ENTHD1: variants seen among roughly 807,000 people sequenced by gnomAD.
ENTHD1 encodes the protein ENTH domain-containing protein 1.
In ENTHD1, 23 loss-of-function variants were observed where a neutral mutation model predicts 39.1. That is an observed-to-expected ratio of 0.59 (90% CI 0.42 to 0.83). The LOEUF (loss-of-function observed/expected upper bound fraction) is 0.83, where lower values mean the gene tolerates loss of function less well. Ranked by LOEUF, ENTHD1 falls within the 40% of genes least tolerant of loss-of-function variation. The probability of loss-of-function intolerance (pLI) is 0.00; values close to 1 mark genes in which losing one functional copy is unlikely to be tolerated. For synonymous variants in ENTHD1, 230 were observed against 258.2 expected, an observed-to-expected ratio of 0.89 and a Z score of 1.05; for missense variants, 624 against 705.4, an observed-to-expected ratio of 0.88 and a Z score of 1.31.
chr22:39,781,401 G>A (rs1387790096), intron 5 of ENTHD1, among the ~76,000 whole-genome samples: 1 of 152,016 alleles, frequency 6.6e-6, no homozygotes, highest in East Asian at 1.9e-4. Flanking sequence ...GACATGCTCC[G>A]GAACAACCAA....
At chr22:39,855,137 T>C (rs2066074684) in intron 3 of ENTHD1, among the ~76,000 whole-genome samples, 1 of 152,206 alleles carries the variant, frequency 6.6e-6, no homozygotes, top group African/African-American at 2.4e-5. Context: ...TGTATCTCCT[T>C]CATTTCTACA....
At chr22:39,883,027 A>G (rs917799008) in intron 2 of ENTHD1, among the ~76,000 whole-genome samples, 3 of 151,378 alleles carry the variant, frequency 2.0e-5, no homozygotes, top group Admixed American at 1.3e-4. Context: ...AAAAAAAAGA[A>G]AGAAAGAAAA....
chr22:39,821,255 T>A, intron 4 of ENTHD1, 142 bp from the exon 5 acceptor site: 1 of 1,086,504 alleles, frequency 9.2e-7, no homozygotes, highest in Non-Finnish European at 1.3e-6. Context: ...CATACATCTA[T>A]CACTTGGCTG....
intron 3 of ENTHD1, among the ~76,000 whole-genome samples, chr22:39,840,196 G>C (rs1055822558): frequency 2.6e-5 from 4 of 152,192 alleles, no homozygotes; most frequent in African/African-American, 7.2e-5. Context: ...AGCCAGTGAA[G>C]ACTAGTATGT....
intron 5 of ENTHD1, among the ~76,000 whole-genome samples, chr22:39,795,472 CTGG>C (rs2065540967): frequency 2.6e-5 from 4 of 151,738 alleles, no homozygotes; most frequent in Admixed American, 6.6e-5. Flanking sequence ...GTCACCCAGG[CTGG>C]AGTACAGTGG....
chr22:39,800,091 C>A (rs955954417), intron 5 of ENTHD1, among the ~76,000 whole-genome samples: 1 of 152,150 alleles, frequency 6.6e-6, no homozygotes, highest in Non-Finnish European at 1.5e-5. Context: ...TTGGGGACCA[C>A]AAGGTTGAGG....
chr22:39,765,176 TTGTG>T lies in ENTHD1; in HGVS notation c.1219+43_1219+46del, dbSNP rs71326782. 3,654 of 1,376,376 alleles carry T rather than the reference TTGTG, an allele frequency of 2.7e-3. 5 individuals carry two copies. Among genetic ancestry groups the T allele is most frequent in the South Asian group, 0.012 (725 of 62,344 alleles). 85.3% of individuals were successfully genotyped at this position (1,376,376 alleles called of 1,614,324 possible). ...ATAATGCTTCAAAAGAGGTTTTTTG[TTGTG>T]TGTGTGTGTGTGTGTGTGTGTGTGT... On this transcript the variant is annotated intron_variant, in intron 6 of 6. Transcript: ENST00000325157.
At chr22:39,766,019 C>CAAAAATAAAAAAAA (rs2065273971) in intron 5 of ENTHD1, among the ~76,000 whole-genome samples, 1 of 48,342 alleles carries the variant, frequency 2.1e-5, no homozygotes, top group Non-Finnish European at 3.7e-5. Flanking sequence ...CCCTCAGCTA[C>CAAAAATAAAAAAAA]AAAAAAAAAA....
At chr22:39,883,914 G>C (rs1379610381) in intron 2 of ENTHD1, among the ~76,000 whole-genome samples, 2 of 147,724 alleles carry the variant, frequency 1.4e-5, no homozygotes, top group Admixed American at 6.7e-5. Context: ...AGAATAAAAT[G>C]CTTAGAAATA....
In ENTHD1 at chr22:39,821,127, C is replaced by T. The variant is rs201637698; in HGVS notation, c.712-14G>A. ...TGTCATCAGGTCCTGACAGAAAACA[C>T]AAGAACATGAGAATTGAAGAAAAAA... On this transcript the variant is annotated splice_polypyrimidine_tract_variant and intron_variant, in intron 4 of 6. Coordinates refer to ENST00000325157, the MANE Select transcript of ENTHD1 (RefSeq NM_152512.4). 1 of 1,613,182 alleles carries T rather than the reference C, an allele frequency of 6.2e-7. No individual in the cohort carries two copies. Among genetic ancestry groups the T allele is most frequent in the East Asian group, 2.2e-5 (1 of 44,844 alleles).
At chr22:39,807,726 G>A (rs1270765461) in intron 5 of ENTHD1, among the ~76,000 whole-genome samples, 2 of 152,184 alleles carry the variant, frequency 1.3e-5, no homozygotes, top group African/African-American at 4.8e-5. Context: ...TGTGGGTTGT[G>A]ACCAATTAGT....
chr22:39,777,008 T>C (rs1046742044), intron 5 of ENTHD1, among the ~76,000 whole-genome samples: 2 of 152,224 alleles, frequency 1.3e-5, no homozygotes, highest in Non-Finnish European at 2.9e-5. Flanking sequence ...TTCTGATACA[T>C]AGTATCCAAT....
intron 4 of ENTHD1, among the ~76,000 whole-genome samples, chr22:39,826,126 G>A (rs11914259): frequency 0.016 from 2,425 of 152,148 alleles, 67 homozygotes; most frequent in African/African-American, 0.056. Flanking sequence ...CAAGTGATCC[G>A]CCTGCCTCGG....
chr22:39,766,039 A>G (rs1329958449), intron 5 of ENTHD1, among the ~76,000 whole-genome samples: 1 of 149,562 alleles, frequency 6.7e-6, no homozygotes, highest in Non-Finnish European at 1.5e-5. Context: ...AAAAAAAAAA[A>G]AAAAAAAAAA....
At chr22:39,837,751 C>T (rs898962160) in intron 3 of ENTHD1, among the ~76,000 whole-genome samples, 2 of 152,192 alleles carry the variant, frequency 1.3e-5, no homozygotes, top group African/African-American at 2.4e-5. Context: ...AAGGAAGAGT[C>T]CCCTGAGAGT....
At chr22:39,759,871 A>G (rs1569128337) in intron 6 of ENTHD1, among the ~76,000 whole-genome samples, 1 of 151,862 alleles carries the variant, frequency 6.6e-6, no homozygotes, top group Non-Finnish European at 1.5e-5. Context: ...AAATATTTGG[A>G]GTTCTTCTAT....
intron 5 of ENTHD1, among the ~76,000 whole-genome samples, chr22:39,786,284 T>C (rs1015016323): frequency 1.3e-5 from 2 of 152,344 alleles, no homozygotes; most frequent in African/African-American, 4.8e-5. Context: ...ATATTTACGG[T>C]GTACAATGTG....
At chr22:39,883,650 A>C (rs780661134) in intron 2 of ENTHD1, among the ~76,000 whole-genome samples, 1 of 152,140 alleles carries the variant, frequency 6.6e-6, no homozygotes, top group African/African-American at 2.4e-5. Context: ...AGATCAATAT[A>C]CAAAAATCAT....
chr22:39,782,329 T>C (rs568864761), intron 5 of ENTHD1, among the ~76,000 whole-genome samples: 3 of 152,110 alleles, frequency 2.0e-5, no homozygotes, highest in African/African-American at 4.8e-5. Flanking sequence ...AATAAAAATT[T>C]TCCCATCAAA....
Sources: gnomAD v4.1 joint callset for allele counts (sites outside exome capture counted in the v4.1 genomes callset) on GRCh38, gnomAD v4.1.1 for gene constraint, MANE v1.5 for transcripts, NCBI Gene and HGNC (gene_info 2026-07-23, HGNC 2026-07-21) for gene names.